IGFL2: variants seen among roughly 807,000 people sequenced by gnomAD.
The protein encoded by IGFL2 is insulin growth factor-like family member 2.
Under a neutral mutation model 13.9 loss-of-function variants are expected in IGFL2, and 7 were observed. That is an observed-to-expected ratio of 0.51 (90% CI 0.29 to 0.95). The LOEUF is 0.95. Among genes scored for constraint, IGFL2 ranks in the 40% least tolerant of loss-of-function variants. The probability of loss-of-function intolerance (pLI) is 0.08; values close to 1 mark genes in which losing one functional copy is unlikely to be tolerated. For missense variants in IGFL2, 138 were observed against 147.8 expected, an observed-to-expected ratio of 0.93 and a Z score of 0.34; for synonymous variants, 55 against 55.8, an observed-to-expected ratio of 0.99 and a Z score of 0.07.
the IGFL2 span, among the ~76,000 whole-genome samples, chr19:46,082,571 G>C: frequency 6.6e-6 from 1 of 152,016 alleles, no homozygotes; most frequent in Non-Finnish European, 1.5e-5. Flanking sequence ...AAGCCGCCCT[G>C]TAAGAGAGAG....
At chr19:46,141,725 C>G (rs760865935), upstream of IGFL2, among the ~76,000 whole-genome samples, 2 of 152,110 alleles carry the variant, frequency 1.3e-5, no homozygotes, top group Non-Finnish European at 2.9e-5. Context: ...ATCTTCCCAC[C>G]CTGCTTCCAA....
At chr19:46,105,696 A>G in the IGFL2 span, among the ~76,000 whole-genome samples, 1 of 152,070 alleles carries the variant, frequency 6.6e-6, no homozygotes, top group African/African-American at 2.4e-5. Context: ...GGAAGTTATG[A>G]GAACTGTAGG....
At chr19:46,213,589 A>G in the IGFL2 span, 1 of 154,342 alleles carries the variant, frequency 6.5e-6, no homozygotes, top group African/African-American at 2.4e-5. Context: ...TCTTGTTCCC[A>G]TGCCCAGCCA....
chr19:46,098,018 T>G, the IGFL2 span, among the ~76,000 whole-genome samples: 1 of 152,208 alleles, frequency 6.6e-6, no homozygotes, highest in South Asian at 2.1e-4. Flanking sequence ...ATCTATCAGG[T>G]CCACCTGATG....
the IGFL2 span, among the ~76,000 whole-genome samples, chr19:46,201,004 G>A: frequency 6.6e-6 from 1 of 152,142 alleles, no homozygotes; most frequent in Non-Finnish European, 1.5e-5. Context: ...ACATACTCAA[G>A]CAGTTATACC....
chr19:46,149,032 T>C (rs753425970), intron 1 of IGFL2: 1 of 1,605,532 alleles, frequency 6.2e-7, no homozygotes, highest in Non-Finnish European at 8.5e-7. Flanking sequence ...CCCAGGAGTG[T>C]GCTGGGTAAG....
chr19:46,103,499 G>A, the IGFL2 span, among the ~76,000 whole-genome samples: 1 of 152,176 alleles, frequency 6.6e-6, no homozygotes, highest in Non-Finnish European at 1.5e-5. Context: ...AGTGTGCCCT[G>A]TGAGCAAAGA....
upstream of IGFL2, among the ~76,000 whole-genome samples, chr19:46,141,506 C>T (rs1972857253): frequency 6.6e-6 from 1 of 152,116 alleles, no homozygotes; most frequent in African/African-American, 2.4e-5. Flanking sequence ...GCTCCCAGCT[C>T]ATCCCACAAG....
the IGFL2 span, among the ~76,000 whole-genome samples, chr19:46,102,378 G>A: frequency 2.6e-5 from 4 of 152,314 alleles, no homozygotes; most frequent in South Asian, 8.3e-4. Context: ...TTTTGTTGCG[G>A]GCAGCGGGTG....
the IGFL2 span, chr19:46,137,382 A>G: frequency 3.7e-6 from 4 of 1,084,436 alleles, no homozygotes; most frequent in East Asian, 2.4e-5. Context: ...GTAGACAGAT[A>G]TGTTTGCTGG....
chr19:46,161,447 G>A (rs2146893567), downstream of IGFL2: 1 of 211,728 alleles, frequency 4.7e-6, no homozygotes, highest in Non-Finnish European at 9.4e-6. Flanking sequence ...CACTATTATT[G>A]TGTGGGAGTC....
At chr19:46,081,274 C>T in the IGFL2 span, among the ~76,000 whole-genome samples, 15 of 152,184 alleles carry the variant, frequency 9.9e-5, no homozygotes, top group Non-Finnish European at 1.8e-4. Context: ...TATTGTCTAA[C>T]TTATTACTTT....
chr19:46,108,803 G>T, the IGFL2 span, among the ~76,000 whole-genome samples: 1 of 152,216 alleles, frequency 6.6e-6, no homozygotes, highest in African/African-American at 2.4e-5. Context: ...ACCAGCGCTG[G>T]AGTTTTGAGT....
the IGFL2 span, chr19:46,123,854 C>T: frequency 2.5e-6 from 4 of 1,577,028 alleles, no homozygotes; most frequent in Non-Finnish European, 3.4e-6. Flanking sequence ...CTCCCTCATT[C>T]CTTTAGTTAA....
At chr19:46,122,724 G>T in the IGFL2 span, among the ~76,000 whole-genome samples, 1 of 150,862 alleles carries the variant, frequency 6.6e-6, no homozygotes. Flanking sequence ...AACTGCAATG[G>T]TTTACATACA....
chr19:46,154,261 A>C (rs1232385791), intron 1 of IGFL2, among the ~76,000 whole-genome samples: 1 of 152,046 alleles, frequency 6.6e-6, no homozygotes, highest in Non-Finnish European at 1.5e-5. Flanking sequence ...GACTCCTCTA[A>C]TTGTTAATTG....
chr19:46,129,586 C>T, the IGFL2 span, among the ~76,000 whole-genome samples: 1 of 152,022 alleles, frequency 6.6e-6, no homozygotes, highest in Non-Finnish European at 1.5e-5. Flanking sequence ...TTTCAAATAG[C>T]TTCTTGATTT....
At chr19:46,082,210 T>A in the IGFL2 span, among the ~76,000 whole-genome samples, 1 of 152,182 alleles carries the variant, frequency 6.6e-6, no homozygotes, top group Non-Finnish European at 1.5e-5. Flanking sequence ...CTTTTCTGTT[T>A]CCCCATACCT....
chr19:46,115,072 A>G, the IGFL2 span, among the ~76,000 whole-genome samples: 2 of 152,238 alleles, frequency 1.3e-5, no homozygotes, highest in Admixed American at 6.5e-5. Context: ...ACTCTTGTGC[A>G]TGCTAATATT....
Sources: allele counts gnomAD v4.1 joint callset (sites outside exome capture counted in the v4.1 genomes callset), GRCh38; gene constraint gnomAD v4.1.1; transcripts MANE v1.5; gene names NCBI Gene and HGNC (gene_info 2026-07-23, HGNC 2026-07-21).